The following SLC14A2 variants were observed in gnomAD, a reference collection of about 807,000 sequenced individuals.
SLC14A2 encodes solute carrier family 14 member 2, also known as urea transporter 2.
In SLC14A2, 91 loss-of-function variants were observed where a neutral mutation model predicts 104.6. The observed-to-expected ratio is 0.87, with a 90% CI of 0.73 to 1.04. The LOEUF is 1.04. SLC14A2 is among the 50% of genes least tolerant of loss of function. The pLI, the probability that SLC14A2 is intolerant of heterozygous loss-of-function variation, is 0.00. For synonymous variants in SLC14A2, 476 were observed against 466.4 expected (o/e 1.02, Z -0.27); for missense variants, 1,189 against 1,156.0 (o/e 1.03, Z -0.41).
At chr18:45,448,072 T>C (rs2086798748) in intron 1 of SLC14A2, among the ~76,000 whole-genome samples, 1 of 152,256 alleles carries the variant, frequency 6.6e-6, no homozygotes, top group Non-Finnish European at 1.5e-5. Context: ...ATCATTGCTG[T>C]GTTATCAGCA....
chr18:45,199,412 A>AT, the SLC14A2 span, among the ~76,000 whole-genome samples: 5 of 151,934 alleles, frequency 3.3e-5, 1 homozygote, highest in South Asian at 6.2e-4. Flanking sequence ...TTTCTCTGTC[A>AT]TTTTTTTTAA....
chr18:45,492,829 C>T (rs2144733140), intron 2 of SLC14A2, among the ~76,000 whole-genome samples: 1 of 152,342 alleles, frequency 6.6e-6, no homozygotes, highest in East Asian at 1.9e-4. Flanking sequence ...AGATGAGGTG[C>T]TGCTTTCCTC....
At chr18:45,344,153 C>T (rs549855401) in intron 1 of SLC14A2, among the ~76,000 whole-genome samples, 9 of 151,388 alleles carry the variant, frequency 5.9e-5, no homozygotes, top group South Asian at 4.2e-4. Flanking sequence ...CCCATAGTAC[C>T]TGACAATCTC....
At chr18:45,399,355 T>A (rs1423117818) in intron 1 of SLC14A2, among the ~76,000 whole-genome samples, 1 of 152,192 alleles carries the variant, frequency 6.6e-6, no homozygotes, top group Non-Finnish European at 1.5e-5. Flanking sequence ...GAGCGTGAGA[T>A]TGTGGGCACT....
the SLC14A2 span, among the ~76,000 whole-genome samples, chr18:45,178,278 G>T: frequency 7.0e-6 from 1 of 142,388 alleles, no homozygotes; most frequent in Admixed American, 6.7e-5. Flanking sequence ...AAACAGTTTT[G>T]CATTCTTAAG....
intron 1 of SLC14A2, among the ~76,000 whole-genome samples, chr18:45,287,430 G>T (rs1016427811): frequency 1.3e-5 from 2 of 152,236 alleles, no homozygotes; most frequent in African/African-American, 2.4e-5. Context: ...GCCCTGCAGG[G>T]CAGGCCTTCA....
the SLC14A2 span, among the ~76,000 whole-genome samples, chr18:45,180,156 G>GA: frequency 1.3e-5 from 2 of 152,022 alleles, no homozygotes; most frequent in South Asian, 4.1e-4. Context: ...CTGAAAAAGA[G>GA]AAAAAAACAA....
intron 15 of SLC14A2, 120 bp from the exon 16 acceptor site, chr18:45,669,186 C>G (rs1469581059): frequency 1.3e-6 from 1 of 798,160 alleles, no homozygotes; most frequent in East Asian, 2.6e-5. Flanking sequence ...AGTCAGGCTC[C>G]AGAGAATACC....
intron 1 of SLC14A2, among the ~76,000 whole-genome samples, chr18:45,278,356 C>A (rs1009960479): frequency 6.6e-6 from 1 of 152,288 alleles, no homozygotes; most frequent in East Asian, 1.9e-4. Flanking sequence ...TGATGTTCAG[C>A]AGAATGCTTG....
At chr18:45,473,142 T>C (rs2612553) in intron 1 of SLC14A2, among the ~76,000 whole-genome samples, 31,926 of 152,116 alleles carry the variant, frequency 0.21, 3,766 homozygotes, top group Non-Finnish European at 0.27. Flanking sequence ...GAATCCTTTC[T>C]CCATTGCTTG....
At chr18:45,297,247 A>G (rs77808216) in intron 1 of SLC14A2, among the ~76,000 whole-genome samples, 1,850 of 152,348 alleles carry the variant, frequency 0.012, 29 homozygotes, top group East Asian at 0.031. Flanking sequence ...ATTGAAAGAC[A>G]GTTTAAAACT....
chr18:45,426,874 C>T (rs1025096158), intron 1 of SLC14A2, among the ~76,000 whole-genome samples: 2 of 152,038 alleles, frequency 1.3e-5, no homozygotes, highest in African/African-American at 2.4e-5. Context: ...AGCCCCTTCT[C>T]GGCCAATTCT....
In SLC14A2 at chr18:45,230,445, A is replaced by T. The variant is rs114739240; in HGVS notation, c.-125+17254A>T. Among the ~76,000 whole-genome samples, 965 of 152,300 alleles carry T rather than the reference A, an allele frequency of 6.3e-3. 19 individuals are homozygous for T. The highest frequency in any genetic ancestry group is 0.022 in the African/African-American group (915 of 41,570). ...CTATCTTTCATTTTCAAGGACAGTG[A>T]CATTGCATCTGTCTATTCTTCCATT... On this transcript the variant is annotated intron_variant, in intron 1 of 20. Coordinates refer to the SLC14A2 transcript ENST00000586448.
At chr18:45,183,469 C>T in the SLC14A2 span, among the ~76,000 whole-genome samples, 1 of 152,154 alleles carries the variant, frequency 6.6e-6, no homozygotes, top group African/African-American at 2.4e-5. Flanking sequence ...CCTATCCTCT[C>T]AGAACATTTA....
At chr18:45,283,388 T>A (rs368569820) in intron 1 of SLC14A2, among the ~76,000 whole-genome samples, 10 of 136,030 alleles carry the variant, frequency 7.4e-5, no homozygotes, top group South Asian at 7.0e-4. Context: ...AGACACTGAC[T>A]TAATACCCGC....
At chr18:45,232,820 T>C (rs1466009068) in intron 1 of SLC14A2, among the ~76,000 whole-genome samples, 2 of 152,236 alleles carry the variant, frequency 1.3e-5, no homozygotes, top group Non-Finnish European at 2.9e-5. Flanking sequence ...TATAGGCCCA[T>C]TTTGAGGCAC....
upstream of SLC14A2, among the ~76,000 whole-genome samples, chr18:45,211,327 A>G (rs892483852): frequency 6.6e-6 from 1 of 152,204 alleles, no homozygotes; most frequent in Non-Finnish European, 1.5e-5. Flanking sequence ...TTCTTAGCAC[A>G]TTATTCTTTA....
chr18:45,576,819 G>A (rs937562047), intron 2 of SLC14A2, among the ~76,000 whole-genome samples: 2 of 152,204 alleles, frequency 1.3e-5, no homozygotes, highest in Non-Finnish European at 2.9e-5. Context: ...ATGCCAAGGG[G>A]ATGGGCATGG....
intron 1 of SLC14A2, chr18:45,447,528 G>A (rs1212849365): frequency 6.6e-6 from 1 of 152,190 alleles, no homozygotes; most frequent in Non-Finnish European, 1.5e-5. Context: ...CACATTTACT[G>A]TTTCCTATCA....
Sources: gnomAD v4.1 joint callset for allele counts (sites outside exome capture counted in the v4.1 genomes callset) on GRCh38, gnomAD v4.1.1 for gene constraint, MANE v1.5 for transcripts, NCBI Gene and HGNC (gene_info 2026-07-23, HGNC 2026-07-21) for gene names.